The following GOPC variants were observed in gnomAD, a reference collection of about 807,000 sequenced individuals.
GOPC encodes Golgi-associated PDZ and coiled-coil motif-containing protein.
Under a neutral mutation model 51.2 loss-of-function variants are expected in GOPC, and 32 were observed. That is an observed-to-expected ratio of 0.63 (90% CI 0.47 to 0.84). The LOEUF is 0.84. Among genes scored for constraint, GOPC ranks in the 40% least tolerant of loss-of-function variants. GOPC has a pLI of 0.00. For synonymous variants in GOPC, 190 were observed against 205.1 expected (o/e 0.93, Z 0.63); for missense variants, 441 against 555.5 (o/e 0.79, Z 2.07).
chr6:117,569,031 T>C (rs564315645), intron 7 of GOPC, among the ~76,000 whole-genome samples: 3 of 152,352 alleles, frequency 2.0e-5, no homozygotes, highest in African/African-American at 7.2e-5. Flanking sequence ...CTCCTGAGTA[T>C]GAATCTCAAT....
At chr6:117,585,848 C>A (rs1049923308) in intron 1 of GOPC, among the ~76,000 whole-genome samples, 1 of 152,162 alleles carries the variant, frequency 6.6e-6, no homozygotes, top group Admixed American at 6.5e-5. Flanking sequence ...CAAACAGGAA[C>A]AGATGCAGGT....
chr6:117,571,858 T>A (rs1418697440), intron 5 of GOPC, among the ~76,000 whole-genome samples: 1 of 152,186 alleles, frequency 6.6e-6, no homozygotes, highest in Admixed American at 6.5e-5. Context: ...TAGTTTTTAT[T>A]ACACTACTTT....
chr6:117,566,631 A>G (rs183730607), intron 8 of GOPC, among the ~76,000 whole-genome samples: 2 of 152,168 alleles, frequency 1.3e-5, no homozygotes, highest in Non-Finnish European at 1.5e-5. Flanking sequence ...CAGTAGAGTA[A>G]CTGGTAATGT....
chr6:117,583,986 C>T (rs534785822), intron 1 of GOPC, among the ~76,000 whole-genome samples: 1 of 152,322 alleles, frequency 6.6e-6, no homozygotes, highest in Non-Finnish European at 1.5e-5. Context: ...ATTCCATCAT[C>T]TTTAACTCCA....
chr6:117,589,563 G>A (rs770178987), intron 1 of GOPC, among the ~76,000 whole-genome samples: 11 of 151,968 alleles, frequency 7.2e-5, no homozygotes, highest in African/African-American at 1.7e-4. Context: ...AGGTGATAAC[G>A]CCCACCTCAG....
intron 3 of GOPC, chr6:117,575,621 T>C (rs762838096): frequency 5.3e-5 from 32 of 600,492 alleles, no homozygotes; most frequent in Non-Finnish European, 7.9e-5. Flanking sequence ...CACATATTAG[T>C]AAAAGTGGCT....
rs143340996 is a variant in GOPC, at chr6:117,576,314, C to T, written c.475-962G>A. On this transcript the variant is annotated intron_variant, in intron 3 of 8. Coordinates refer to ENST00000368498, the MANE Select transcript of GOPC (RefSeq NM_020399.4). ...ATTTCTGGGAAAAAAAAGATTAGAA[C>T]GTAATTTCTAGATACTGGTTTTAAA... 4.9e-4 allele frequency among the ~76,000 whole-genome samples: 74 copies of T among 151,848 alleles called. 1 individual carries two copies. Among genetic ancestry groups the T allele is most frequent in the African/African-American group, 1.1e-3 (46 of 41,446 alleles).
At chr6:117,580,791 C>T (rs116838542) in intron 1 of GOPC, among the ~76,000 whole-genome samples, 81 of 152,232 alleles carry the variant, frequency 5.3e-4, no homozygotes, top group African/African-American at 1.9e-3. Context: ...GACACAGTAG[C>T]AACGTCCTAT....
intron 1 of GOPC, among the ~76,000 whole-genome samples, chr6:117,583,011 T>C (rs1779982530): frequency 6.6e-6 from 1 of 152,004 alleles, no homozygotes; most frequent in Non-Finnish European, 1.5e-5. Flanking sequence ...CTCTGGAGCC[T>C]TGGGATCGCA....
At chr6:117,578,083 C>G (rs779199387) in intron 2 of GOPC, among the ~76,000 whole-genome samples, 6 of 152,096 alleles carry the variant, frequency 3.9e-5, no homozygotes, top group Admixed American at 6.5e-5. Flanking sequence ...ATCTCTTACA[C>G]ACTCAAAACA....
chr6:117,591,204 T>C (rs1030868371), intron 1 of GOPC, among the ~76,000 whole-genome samples: 3 of 152,174 alleles, frequency 2.0e-5, no homozygotes, highest in Non-Finnish European at 4.4e-5. Flanking sequence ...AATCCTTATA[T>C]AAACCAATCT....
intron 3 of GOPC, 82 bp downstream of exon 3, chr6:117,577,365 AG>A (rs1243989863): frequency 8.1e-7 from 1 of 1,237,250 alleles, no homozygotes; most frequent in Non-Finnish European, 1.1e-6. Context: ...AAATACAATG[AG>A]TGACAACATA....
At chr6:117,582,312 T>TCAC (rs1562143803) in intron 1 of GOPC, among the ~76,000 whole-genome samples, 4 of 92,212 alleles carry the variant, frequency 4.3e-5, no homozygotes, top group Non-Finnish European at 8.9e-5. Flanking sequence ...ACACACACAT[T>TCAC]GATAGAGGCA....
Position 117,567,141 on chromosome 6 carries a change from T to C in GOPC, c.1078-107A>G, listed in dbSNP as rs143379490. On this transcript the variant is annotated intron_variant, in intron 7 of 8. Transcript: ENST00000368498. ...CTTAGGGGTAGAGAGATCTAAGAGA[T>C]AGCTGATTTCCAGAAAATAAATAAT... 49 of 667,266 alleles carry C rather than the reference T, an allele frequency of 7.3e-5. No homozygotes were observed. In the African/African-American group the frequency reaches 8.1e-4, roughly 11 times the overall value. The allele number at this position is 667,266 out of a possible 1,614,324, so 41.3% of individuals were successfully genotyped here.
At chr6:117,582,238 C>T (rs1230739007) in intron 1 of GOPC, among the ~76,000 whole-genome samples, 1 of 149,468 alleles carries the variant, frequency 6.7e-6, no homozygotes, top group Non-Finnish European at 1.5e-5. Flanking sequence ...CTCTCTCTCT[C>T]TCACTCTCTC....
rs1772033873 is a variant in GOPC, at chr6:117,602,367, G to A, written c.-79C>T. ...ACGAAGGGAACTGCTGGGACTGAGG[G>A]GACCCCCGCGCGCGCGGGCACACTC... On this transcript the variant is annotated 5_prime_UTR_variant, in exon 1 of 9. Transcript: ENST00000368498. 1.3e-5 allele frequency: 18 copies of A among 1,402,824 alleles called. No individual in the cohort carries two copies. The South Asian group carries it at 2.5e-4, about 19-fold the overall frequency. 86.9% of individuals were successfully genotyped at this position (1,402,824 alleles called of 1,614,324 possible). A position where few individuals can be genotyped will look rare whatever the true frequency, so the allele number is the denominator to read the frequency against.
rs767256856 is a variant in GOPC, at chr6:117,563,258, T to C, written c.1385A>G (p.Tyr462Cys). ...TTGTCTGGAGATATGGTCAATTTAA[T>C]AAGATTTTTTATGATACAGAGTGTG... is the stretch of plus-strand genomic sequence containing the variant. ...DLHTLYHKKS[Y>C] Residue 462 changes from tyrosine to cysteine, a missense_variant, in exon 9 of 9, where the codon TAT (tyrosine) becomes TGT (cysteine). By Grantham distance (194) the Tyr-to-Cys change is radical. Around this residue, in one of 3 missense-constraint regions of GOPC, gnomAD observed 71 missense variants for 68.8 expected, o/e 1.03. Transcript: ENST00000368498. The C allele has an allele frequency of 2.0e-5, 33 of 1,610,152 alleles. No homozygotes were observed. The highest frequency in any genetic ancestry group is 1.6e-4 in the Middle Eastern group (1 of 6,068).
chr6:117,579,102 A>G, intron 1 of GOPC, 38 bp from the exon 2 acceptor site: 1 of 1,514,230 alleles, frequency 6.6e-7, no homozygotes. Flanking sequence ...AAGGATGCTT[A>G]ATTTTCTTTC....
chr6:117,573,416 T>TAAAG (rs761117426), intron 5 of GOPC, 51 bp downstream of exon 5: 1 of 1,567,434 alleles, frequency 6.4e-7, no homozygotes, highest in Non-Finnish European at 8.7e-7. Context: ...CAACTGTGAT[T>TAAAG]AAAGAAAGAA....
Sources: allele counts gnomAD v4.1 joint callset (sites outside exome capture counted in the v4.1 genomes callset), GRCh38; gene constraint gnomAD v4.1.1; regional missense constraint gnomAD v4.1.1; transcripts MANE v1.5; gene names NCBI Gene and HGNC (gene_info 2026-07-23, HGNC 2026-07-21).